PARVA: variants seen among roughly 807,000 people sequenced by gnomAD.
PARVA encodes the protein parvin alpha.
PARVA carries 25 observed loss-of-function variants against 52.6 expected under a neutral mutation model. The observed-to-expected ratio is 0.48, with a 90% CI of 0.35 to 0.66. The LOEUF is 0.66. PARVA is among the 30% of genes least tolerant of loss of function. The pLI is 0.01. For missense variants in PARVA, 373 were observed against 450.9 expected (o/e 0.83, Z 1.56); for synonymous variants, 185 against 179.1 (o/e 1.03, Z -0.26).
Position 12,525,623 on chromosome 11 carries a change from A to G in PARVA, c.1043-2226A>G, listed in dbSNP as rs114896044. On this transcript the variant is annotated intron_variant, in intron 12 of 12. Transcript: ENST00000334956. The stretch of plus-strand genomic sequence containing the variant: ...GAGGACAGGAATTGGCCTAGAGGGC[A>G]TGGGATTCCATCTGGCAGAAGGTGA... 2.7e-3 allele frequency among the ~76,000 whole-genome samples: 414 copies of G among 152,274 alleles called. 2 individuals are homozygous for G. Among genetic ancestry groups the G allele is most frequent in the African/African-American group, 9.1e-3 (378 of 41,546 alleles).
chr11:12,511,440 G>A (rs1589986562), intron 7 of PARVA, 74 bp from the exon 8 acceptor site: 1 of 1,515,356 alleles, frequency 6.6e-7, no homozygotes, highest in East Asian at 2.3e-5. Flanking sequence ...GTGATGGAGT[G>A]TCCTTTCAGA....
At chr11:12,456,198 C>G (rs1402855012) in intron 1 of PARVA, among the ~76,000 whole-genome samples, 2 of 152,182 alleles carry the variant, frequency 1.3e-5, no homozygotes, top group Non-Finnish European at 2.9e-5. Flanking sequence ...TGAGAAAAGG[C>G]AGGGAAAGGG....
At chr11:12,499,276 C>A (rs1941337122) in intron 5 of PARVA, among the ~76,000 whole-genome samples, 1 of 152,126 alleles carries the variant, frequency 6.6e-6, no homozygotes, top group South Asian at 2.1e-4. Flanking sequence ...AGGAATGTGG[C>A]AGGCTCAGCT....
chr11:12,427,335 G>GCCTA (rs1290255309), intron 1 of PARVA, among the ~76,000 whole-genome samples: 5 of 152,170 alleles, frequency 3.3e-5, no homozygotes, highest in African/African-American at 1.2e-4. Context: ...CCTGCATGTG[G>GCCTA]CCTACCCTTT....
At chr11:12,490,516 C>A (rs200864208) in intron 4 of PARVA, among the ~76,000 whole-genome samples, 46 of 108,640 alleles carry the variant, frequency 4.2e-4, no homozygotes, top group African/African-American at 4.9e-4. Flanking sequence ...GACTATGTCT[C>A]AAAAAAAAAA....
chr11:12,524,147 C>G (rs561438858), intron 12 of PARVA, among the ~76,000 whole-genome samples: 1 of 152,336 alleles, frequency 6.6e-6, no homozygotes, highest in African/African-American at 2.4e-5. Context: ...AGGCATTGTG[C>G]AGTGCACAGA....
intron 1 of PARVA, among the ~76,000 whole-genome samples, chr11:12,453,802 C>T (rs756863754): frequency 3.3e-5 from 5 of 152,096 alleles, no homozygotes; most frequent in Non-Finnish European, 7.4e-5. Flanking sequence ...TGAAAACACA[C>T]ATAACTAATA....
intron 1 of PARVA, among the ~76,000 whole-genome samples, chr11:12,383,041 T>C (rs1302851071): frequency 6.6e-6 from 1 of 152,222 alleles, no homozygotes; most frequent in Non-Finnish European, 1.5e-5. Context: ...GGACACTATT[T>C]TGTCCCTTTA....
rs574698033 is a variant in PARVA at position 12,498,498 on chromosome 11, T to C, written c.541+1900T>C. 2.0e-5 allele frequency among the ~76,000 whole-genome samples: 3 copies of C among 152,300 alleles called. No homozygotes were observed. The South Asian group carries it at 6.2e-4, about 32-fold the overall frequency. On this transcript the variant is annotated intron_variant, in intron 5 of 12. Coordinates refer to ENST00000334956, the MANE Select transcript of PARVA (RefSeq NM_018222.5). ...CTAGCTTTTCATTTGTTTGTTTTCA[T>C]TTGTTTCATTTCACTGTTTCATTTG... is the stretch of plus-strand genomic sequence containing the variant.
intron 1 of PARVA, among the ~76,000 whole-genome samples, chr11:12,456,159 C>T (rs1036310878): frequency 1.3e-5 from 2 of 152,184 alleles, no homozygotes; most frequent in African/African-American, 4.8e-5. Flanking sequence ...TTCCCTCCCT[C>T]CCAGTATGTA....
Position 12,527,829 on chromosome 11 carries a change from GTTTT to G in PARVA, c.1043-17_1043-14del, listed in dbSNP as rs768213387. 6.3e-7 allele frequency: 1 copy of G among 1,598,248 alleles called. No homozygotes were observed. The highest frequency in any genetic ancestry group is 8.6e-7 in the Non-Finnish European group (1 of 1,165,552). On this transcript the variant is annotated splice_polypyrimidine_tract_variant and intron_variant, in intron 12 of 12. Transcript: ENST00000334956. ...ATGTGGCCCCATGGAAACAATTGGT[GTTTT>G]TTGTTTTCTACGCAGACATAGTCAA...
chr11:12,450,250 G>A (rs1776126244), intron 1 of PARVA, among the ~76,000 whole-genome samples: 1 of 152,100 alleles, frequency 6.6e-6, no homozygotes, highest in African/African-American at 2.4e-5. Flanking sequence ...TTTCATCTTT[G>A]CCGCCACCCC....
intron 10 of PARVA, 101 bp downstream of exon 10, chr11:12,514,166 G>C (rs1015744301): frequency 1.2e-6 from 1 of 830,622 alleles, no homozygotes; most frequent in Non-Finnish European, 2.0e-6. Flanking sequence ...TCCCAGCTGA[G>C]GGGGATGAGG....
intron 1 of PARVA, among the ~76,000 whole-genome samples, chr11:12,446,651 G>A (rs1273321543): frequency 1.3e-5 from 2 of 152,184 alleles, no homozygotes; most frequent in East Asian, 3.8e-4. Flanking sequence ...TTGTAAGTAT[G>A]TGGAGAGATA....
chr11:12,518,820 A>G (rs1941604253), intron 12 of PARVA, among the ~76,000 whole-genome samples: 1 of 152,216 alleles, frequency 6.6e-6, no homozygotes, highest in Non-Finnish European at 1.5e-5. Flanking sequence ...GTCCCTGCAC[A>G]GGGTGCTGAC....
chr11:12,487,852 A>G (rs928883924), intron 4 of PARVA, among the ~76,000 whole-genome samples: 1 of 152,230 alleles, frequency 6.6e-6, no homozygotes, highest in Non-Finnish European at 1.5e-5. Context: ...TTGTATGCAT[A>G]GAATATTTCT....
At chr11:12,406,070 T>A (rs570394316) in intron 1 of PARVA, among the ~76,000 whole-genome samples, 1 of 152,244 alleles carries the variant, frequency 6.6e-6, no homozygotes, top group Non-Finnish European at 1.5e-5. Flanking sequence ...GAAATCATAC[T>A]GTGTATTAGG....
chr11:12,520,582 C>T (rs1941623913), intron 12 of PARVA, among the ~76,000 whole-genome samples: 1 of 152,118 alleles, frequency 6.6e-6, no homozygotes, highest in Non-Finnish European at 1.5e-5. Flanking sequence ...GACTTGCTGC[C>T]CAGGCTTCAT....
intron 1 of PARVA, among the ~76,000 whole-genome samples, chr11:12,454,289 A>G (rs932554707): frequency 2.6e-5 from 4 of 152,210 alleles, no homozygotes; most frequent in African/African-American, 9.7e-5. Flanking sequence ...ATTTTCTCCA[A>G]TATTGACTAA....
Sources: gnomAD v4.1 joint callset for allele counts (sites outside exome capture counted in the v4.1 genomes callset) on GRCh38, gnomAD v4.1.1 for gene constraint, MANE v1.5 for transcripts, NCBI Gene and HGNC (gene_info 2026-07-23, HGNC 2026-07-21) for gene names.